SLC8A1: variants seen among roughly 807,000 people sequenced by gnomAD.
The protein encoded by SLC8A1 is solute carrier family 8 member A1.
SLC8A1 carries 18 observed loss-of-function variants against 68.3 expected under a neutral mutation model. That is an observed-to-expected ratio of 0.26 (90% confidence interval 0.18 to 0.39). The LOEUF is 0.39. Among genes scored for constraint, SLC8A1 ranks in the 10% least tolerant of loss-of-function variants. The pLI is 1.00. For missense variants in SLC8A1, 985 were observed against 1,156.7 expected (o/e 0.85, Z 2.15); for synonymous variants, 475 against 415.5 (o/e 1.14, Z -1.74).
intron 2 of SLC8A1, among the ~76,000 whole-genome samples, chr2:40,401,590 A>G (rs1358655269): frequency 1.5e-5 from 2 of 131,700 alleles, no homozygotes; most frequent in African/African-American, 5.7e-5. Context: ...AAAAAAAAAA[A>G]GAAAGAAAAG....
chr2:40,222,712 A>C (rs1234028106), intron 2 of SLC8A1, among the ~76,000 whole-genome samples: 1 of 152,244 alleles, frequency 6.6e-6, no homozygotes, highest in Non-Finnish European at 1.5e-5. Flanking sequence ...GGCAAAGGAT[A>C]TGAACAGACA....
At chr2:40,255,670 G>A (rs748861524) in intron 2 of SLC8A1, among the ~76,000 whole-genome samples, 5 of 152,232 alleles carry the variant, frequency 3.3e-5, no homozygotes, top group Middle Eastern at 3.4e-3. Context: ...AAATAAATAC[G>A]TGCAGAATTA....
At chr2:40,113,380 T>C (rs891415522) in exon 8 of SLC8A1, 11 of 152,798 alleles carry the variant, frequency 7.2e-5, no homozygotes, top group African/African-American at 2.7e-4. Context: ...GTGGACTCAC[T>C]ACTTTGGAAT....
chr2:40,133,133 G>A (rs963919082), intron 7 of SLC8A1, among the ~76,000 whole-genome samples: 1 of 152,090 alleles, frequency 6.6e-6, no homozygotes, highest in Non-Finnish European at 1.5e-5. Context: ...TCAAGAAATT[G>A]GTTAAAGCCA....
chr2:40,142,937 TGTGTGTGA>T (rs1048919402), intron 6 of SLC8A1, among the ~76,000 whole-genome samples: 1 of 142,654 alleles, frequency 7.0e-6, no homozygotes, highest in African/African-American at 2.6e-5. Context: ...ATGCAAAATG[TGTGTGTGA>T]GTGTGTGTGT....
Position 40,108,313 on chromosome 2 carries a change from C to T in SLC8A1, c.*6940G>A, listed in dbSNP as rs574809817. On this transcript the variant is annotated 3_prime_UTR_variant, in exon 8 of 8. Coordinates refer to ENST00000406785, the Ensembl canonical transcript of SLC8A1. ...CATGCTTTTCTTTGGTTGCCAAAGC[C>T]AAAAAGTATGTATGCCCAACTTTGA... 46 of 152,158 alleles carry T rather than the reference C, an allele frequency of 3.0e-4. 1 individual carries two copies. The highest frequency in any genetic ancestry group is 1.0e-3 in the African/African-American group (43 of 41,520). The allele number at this position is 152,158 out of a possible 1,614,324, so 9.4% of individuals were successfully genotyped here. A position where few individuals can be genotyped will look rare whatever the true frequency, so the allele number is the denominator to read the frequency against.
In SLC8A1 at chr2:40,289,085, T is replaced by C. The variant is rs151298250; in HGVS notation, c.1809-111230A>G. Among the ~76,000 whole-genome samples the C allele has an allele frequency of 5.9e-5, 9 of 151,914 alleles. No homozygotes were observed. In the East Asian group the frequency reaches 1.7e-3, roughly 29 times the overall value. On this transcript the variant is annotated intron_variant, in intron 2 of 7. Transcript: ENST00000406785. ...TTCAGAACTAAATGTAATGCTAAAA[T>C]ACGATGACTGATTCTTTTTTTTTTC...
At chr2:40,438,263 C>T (rs1699823230) in intron 1 of SLC8A1, among the ~76,000 whole-genome samples, 1 of 152,060 alleles carries the variant, frequency 6.6e-6, no homozygotes. Context: ...TGATGTTTGA[C>T]CTTAAACACT....
chr2:40,204,954 G>C (rs1011502308), intron 2 of SLC8A1, among the ~76,000 whole-genome samples: 2 of 151,938 alleles, frequency 1.3e-5, no homozygotes, highest in Admixed American at 6.6e-5. Context: ...GGTGAGATGT[G>C]CCATTCCATC....
chr2:40,485,532 G>A (rs971577775), intron 1 of SLC8A1, among the ~76,000 whole-genome samples: 1 of 152,176 alleles, frequency 6.6e-6, no homozygotes, highest in Non-Finnish European at 1.5e-5. Flanking sequence ...TAAGCAATGA[G>A]CCAGGTGATA....
chr2:40,412,616 G>A (rs1179528810), intron 2 of SLC8A1, among the ~76,000 whole-genome samples: 2 of 152,126 alleles, frequency 1.3e-5, no homozygotes, highest in African/African-American at 4.8e-5. Context: ...ACTACTGACT[G>A]TATAGATCAA....
chr2:40,498,966 A>T (rs1705883558), intron 1 of SLC8A1, among the ~76,000 whole-genome samples: 5 of 152,090 alleles, frequency 3.3e-5, no homozygotes, highest in Non-Finnish European at 7.4e-5. Context: ...TAAAATAGAA[A>T]TAAGAGCACA....
At chr2:40,233,608 C>T (rs2059973235) in intron 2 of SLC8A1, among the ~76,000 whole-genome samples, 1 of 137,840 alleles carries the variant, frequency 7.3e-6, no homozygotes, top group African/African-American at 2.7e-5. Context: ...TAATTAGTTC[C>T]CATTTGTCAA....
At chr2:40,452,305 G>A (rs1269692829), upstream of SLC8A1, among the ~76,000 whole-genome samples, 1 of 151,822 alleles carries the variant, frequency 6.6e-6, no homozygotes, top group African/African-American at 2.4e-5. Flanking sequence ...AGGCGATCGC[G>A]TCGGGGCAAA....
chr2:40,331,126 G>A (rs2076362728), intron 2 of SLC8A1, among the ~76,000 whole-genome samples: 1 of 152,092 alleles, frequency 6.6e-6, no homozygotes, highest in Non-Finnish European at 1.5e-5. Flanking sequence ...GGAAAATGAG[G>A]GTGATATTAT....
At chr2:40,184,898 C>CAAAAAAAAAAAAAAAAAAAAAAAAAAA (rs66662572) in intron 2 of SLC8A1, among the ~76,000 whole-genome samples, 1 of 106,526 alleles carries the variant, frequency 9.4e-6, no homozygotes, top group Non-Finnish European at 1.9e-5. Flanking sequence ...TAACCAAAAA[C>CAAAAAAAAAAAAAAAAAAAAAAAAAAA]AAAAAAAAAA....
intron 2 of SLC8A1, among the ~76,000 whole-genome samples, chr2:40,238,268 G>A (rs1162687314): frequency 9.9e-5 from 15 of 152,218 alleles, no homozygotes; most frequent in East Asian, 1.9e-4. Flanking sequence ...CTCCGTGGGC[G>A]TAGGACCCTC....
intron 6 of SLC8A1, among the ~76,000 whole-genome samples, chr2:40,157,171 G>A (rs2044692646): frequency 6.6e-6 from 1 of 152,110 alleles, no homozygotes; most frequent in Non-Finnish European, 1.5e-5. Context: ...TTTTATTATA[G>A]GTTCTATAAT....
intron 2 of SLC8A1, among the ~76,000 whole-genome samples, chr2:40,369,773 A>G (rs1342167602): frequency 6.6e-6 from 1 of 152,084 alleles, no homozygotes; most frequent in Non-Finnish European, 1.5e-5. Context: ...GCCAGAGCCA[A>G]TTGAGGAATC....
Sources: allele counts gnomAD v4.1 joint callset (sites outside exome capture counted in the v4.1 genomes callset), GRCh38; gene constraint gnomAD v4.1.1; transcripts MANE v1.5; gene names NCBI Gene and HGNC (gene_info 2026-07-23, HGNC 2026-07-21).